CRPPA: variants seen among roughly 807,000 people sequenced by gnomAD.
CRPPA encodes D-ribitol-5-phosphate cytidylyltransferase.
In CRPPA, 43 loss-of-function variants were observed where a neutral mutation model predicts 52.0. That is an observed-to-expected ratio of 0.83 (90% CI 0.65 to 1.07). CRPPA has a LOEUF of 1.07. Ranked by LOEUF, CRPPA falls within the 50% of genes least tolerant of loss-of-function variation. The pLI is 0.00. For synonymous variants in CRPPA, 250 were observed against 203.5 expected (o/e 1.23, Z -1.94); for missense variants, 629 against 551.7 (o/e 1.14, Z -1.40).
At chr7:16,376,737 C>A (rs1786898940) in intron 2 of CRPPA, among the ~76,000 whole-genome samples, 1 of 152,186 alleles carries the variant, frequency 6.6e-6, no homozygotes, top group Non-Finnish European at 1.5e-5. Flanking sequence ...TGCTCTAATT[C>A]ACAAGGAAAA....
chr7:16,120,416 T>C (rs1350447070), intron 9 of CRPPA, among the ~76,000 whole-genome samples: 1 of 152,142 alleles, frequency 6.6e-6, no homozygotes, highest in Non-Finnish European at 1.5e-5. Context: ...TTACCCCTAA[T>C]GTTTCTCTTA....
intron 3 of CRPPA, among the ~76,000 whole-genome samples, chr7:16,331,538 G>A (rs1785553032): frequency 6.6e-6 from 1 of 152,200 alleles, no homozygotes; most frequent in Non-Finnish European, 1.5e-5. Context: ...CAGCAAGAAT[G>A]TAGGAATTAC....
chr7:16,399,612 C>G (rs543477099), intron 2 of CRPPA, among the ~76,000 whole-genome samples: 1 of 152,130 alleles, frequency 6.6e-6, no homozygotes, highest in East Asian at 1.9e-4. Flanking sequence ...ATGTGTCCAA[C>G]ACGTGACTGA....
intron 2 of CRPPA, among the ~76,000 whole-genome samples, chr7:16,400,400 T>G (rs1463417099): frequency 6.6e-6 from 1 of 152,142 alleles, no homozygotes. Context: ...TTGACAGGCC[T>G]GGCACATGAC....
chr7:16,230,414 T>C (rs1782762213), intron 8 of CRPPA, among the ~76,000 whole-genome samples: 1 of 152,206 alleles, frequency 6.6e-6, no homozygotes, highest in African/African-American at 2.4e-5. Flanking sequence ...CTATTGCATT[T>C]TTCATTCCCT....
chr7:16,399,507 C>A (rs1279686958), intron 2 of CRPPA, among the ~76,000 whole-genome samples: 1 of 151,622 alleles, frequency 6.6e-6, no homozygotes, highest in African/African-American at 2.4e-5. Context: ...TCGTGACCAA[C>A]GTGACCAGAG....
At chr7:16,172,980 T>C (rs2128385764) in intron 9 of CRPPA, among the ~76,000 whole-genome samples, 1 of 152,350 alleles carries the variant, frequency 6.6e-6, no homozygotes, top group Non-Finnish European at 1.5e-5. Flanking sequence ...CAGTTCTCTA[T>C]AGTTTTATCA....
chr7:16,153,536 G>T (rs976816251), intron 9 of CRPPA, among the ~76,000 whole-genome samples: 2 of 152,080 alleles, frequency 1.3e-5, no homozygotes, highest in African/African-American at 2.4e-5. Flanking sequence ...CTTTCAGAAT[G>T]TATTTACTGA....
intron 4 of CRPPA, among the ~76,000 whole-genome samples, chr7:16,303,499 A>AAAAAAAAAAAAAAAAAAAAAAAAAAC (rs1562619571): frequency 1.3e-5 from 2 of 148,466 alleles, no homozygotes; most frequent in African/African-American, 5.0e-5. Context: ...AAAAAAAAAA[A>AAAAAAAAAAAAAAAAAAAAAAAAAAC]AAAACTTTCA....
rs1412142941 is a variant in CRPPA, at chr7:16,342,802, T to TAGATAGATAGATAG, written c.684+33289_684+33290insCTATCTATCTATCT. 2.4e-4 allele frequency among the ~76,000 whole-genome samples: 20 copies of TAGATAGATAGATAG among 84,816 alleles called. 2 individuals are homozygous for TAGATAGATAGATAG. The highest frequency in any genetic ancestry group is 1.3e-3 in the Admixed American group (11 of 8,362). The allele number at this position is 84,816 out of a possible 152,430, so 55.6% of individuals were successfully genotyped here. A position where few individuals can be genotyped will look rare whatever the true frequency, so the allele number is the denominator to read the frequency against. ...AAAAAAATATATATATATATATCTA[T>TAGATAGATAGATAG]ATAGATATATAGATATACATATATA... On this transcript the variant is annotated intron_variant, in intron 3 of 9. Coordinates refer to ENST00000407010, the MANE Select transcript of CRPPA (RefSeq NM_001101426.4).
rs886387831 is a variant in CRPPA, at chr7:16,398,346, T to A, written c.534+7715A>T. ...ACATGATCAATACGTTATCAACACG[T>A]GTGACATGTGACAGAGGCAAGACCA... On this transcript the variant is annotated intron_variant, in intron 2 of 9. Transcript: ENST00000407010. 2.0e-5 allele frequency among the ~76,000 whole-genome samples: 3 copies of A among 150,940 alleles called. No individual in the cohort carries two copies. In the East Asian group the frequency reaches 5.9e-4, roughly 30 times the overall value.
chr7:16,388,677 C>A (rs1450392468), intron 2 of CRPPA, among the ~76,000 whole-genome samples: 1 of 152,116 alleles, frequency 6.6e-6, no homozygotes, highest in Non-Finnish European at 1.5e-5. Flanking sequence ...GAGTTTGAGA[C>A]CAGCCTGGCC....
chr7:16,366,482 ATATAAC>A (rs1406548974), intron 3 of CRPPA, among the ~76,000 whole-genome samples: 2 of 152,212 alleles, frequency 1.3e-5, no homozygotes, highest in Non-Finnish European at 2.9e-5. Context: ...TGCTAACCTT[ATATAAC>A]TATATTTATT....
chr7:16,277,587 C>G (rs1223816822), intron 6 of CRPPA, among the ~76,000 whole-genome samples: 1 of 152,014 alleles, frequency 6.6e-6, no homozygotes, highest in African/African-American at 2.4e-5. Flanking sequence ...AATGGCAGTG[C>G]TTGGTGGTAA....
At chr7:16,162,459 T>C (rs1455272254) in intron 9 of CRPPA, among the ~76,000 whole-genome samples, 1 of 152,184 alleles carries the variant, frequency 6.6e-6, no homozygotes, top group African/African-American at 2.4e-5. Flanking sequence ...AGGAGCAGGT[T>C]GTTCAGTTTC....
intron 9 of CRPPA, among the ~76,000 whole-genome samples, chr7:16,172,234 C>A (rs1192629182): frequency 6.6e-6 from 1 of 152,116 alleles, no homozygotes; most frequent in Non-Finnish European, 1.5e-5. Context: ...GAGCAAAGTA[C>A]AAACTAAGGA....
intron 3 of CRPPA, among the ~76,000 whole-genome samples, chr7:16,357,055 G>A (rs903196162): frequency 7.2e-5 from 11 of 152,282 alleles, no homozygotes; most frequent in African/African-American, 1.9e-4. Flanking sequence ...TGAAGTATCT[G>A]TTTTTCTCTT....
chr7:16,327,992 C>T (rs529140696), intron 3 of CRPPA, among the ~76,000 whole-genome samples: 101 of 152,316 alleles, frequency 6.6e-4, no homozygotes, highest in African/African-American at 2.4e-3. Context: ...ATTTTACTTT[C>T]TCACTTCTCC....
At chr7:16,355,156 G>A (rs949525163) in intron 3 of CRPPA, among the ~76,000 whole-genome samples, 13 of 152,068 alleles carry the variant, frequency 8.5e-5, no homozygotes, top group South Asian at 4.1e-4. Flanking sequence ...ATTGTAATCC[G>A]ACTAACTTAT....
Sources: allele counts gnomAD v4.1 joint callset (sites outside exome capture counted in the v4.1 genomes callset), GRCh38; gene constraint gnomAD v4.1.1; transcripts MANE v1.5; gene names NCBI Gene and HGNC (gene_info 2026-07-23, HGNC 2026-07-21).